Variants in PLD5 observed in about 807,000 individuals in gnomAD.
PLD5 encodes phospholipase D family member 5, also known as inactive phospholipase D5.
PLD5 carries 36 observed loss-of-function variants against 61.1 expected under a neutral mutation model. The observed-to-expected ratio is 0.59, with a 90% CI of 0.45 to 0.78. PLD5 has a LOEUF of 0.78. Ranked by LOEUF, PLD5 falls within the 30% of genes least tolerant of loss-of-function variation. The pLI is 0.00. For synonymous variants in PLD5, 243 were observed against 242.8 expected, an observed-to-expected ratio of 1.00 and a Z score of -0.01; for missense variants, 515 against 644.4, an observed-to-expected ratio of 0.80 and a Z score of 2.17.
intron 1 of PLD5, among the ~76,000 whole-genome samples, chr1:242,371,429 C>T (rs2149246497): frequency 6.6e-6 from 1 of 152,200 alleles, no homozygotes; most frequent in Non-Finnish European, 1.5e-5. Context: ...TTCCTATTAA[C>T]ATGGGAAGAC....
intron 2 of PLD5, among the ~76,000 whole-genome samples, chr1:242,319,018 G>T (rs1312162013): frequency 6.6e-6 from 1 of 152,216 alleles, no homozygotes; most frequent in Non-Finnish European, 1.5e-5. Context: ...GAGGGACTTG[G>T]ACTATGAGCA....
At chr1:242,481,688 G>C (rs1667782572) in intron 1 of PLD5, among the ~76,000 whole-genome samples, 1 of 152,346 alleles carries the variant, frequency 6.6e-6, no homozygotes, top group Non-Finnish European at 1.5e-5. Flanking sequence ...AAATGTCCCT[G>C]TTTGACAGCT....
At chr1:242,507,955 C>G (rs1668779178) in intron 1 of PLD5, among the ~76,000 whole-genome samples, 1 of 150,864 alleles carries the variant, frequency 6.6e-6, no homozygotes. Flanking sequence ...ATTAAGTTTG[C>G]CTTTTAAGTC....
At chr1:242,107,396 A>G (rs1219898763) in intron 8 of PLD5, among the ~76,000 whole-genome samples, 1 of 149,552 alleles carries the variant, frequency 6.7e-6, no homozygotes, top group Non-Finnish European at 1.5e-5. Flanking sequence ...TGGGTGACAG[A>G]GCAAAACCCT....
chr1:242,526,232 A>T (rs1393531840), upstream of PLD5, among the ~76,000 whole-genome samples: 1 of 152,024 alleles, frequency 6.6e-6, no homozygotes, highest in South Asian at 2.1e-4. Flanking sequence ...TAAAAATAAA[A>T]TAAATTAGCC....
chr1:242,334,969 CT>C (rs1232386238), intron 2 of PLD5, among the ~76,000 whole-genome samples: 4 of 152,162 alleles, frequency 2.6e-5, no homozygotes, highest in Non-Finnish European at 5.9e-5. Context: ...ATTTGCATCC[CT>C]ATTTCTTCTA....
At chr1:242,472,856 C>T (rs1163542758) in intron 1 of PLD5, among the ~76,000 whole-genome samples, 5 of 152,108 alleles carry the variant, frequency 3.3e-5, no homozygotes, top group Middle Eastern at 3.2e-3. Context: ...GAACAATTTA[C>T]AAGTATCCAA....
At chr1:242,271,692 C>A (rs1445985201) in intron 3 of PLD5, among the ~76,000 whole-genome samples, 1 of 152,146 alleles carries the variant, frequency 6.6e-6, no homozygotes, top group East Asian at 1.9e-4. Flanking sequence ...GCCTACTTAA[C>A]CCATATGGGG....
intron 2 of PLD5, among the ~76,000 whole-genome samples, chr1:242,313,303 C>A (rs560831111): frequency 6.6e-6 from 1 of 152,160 alleles, no homozygotes; most frequent in Non-Finnish European, 1.5e-5. Flanking sequence ...TATGCTATGC[C>A]CATCTTCCTC....
intron 6 of PLD5, among the ~76,000 whole-genome samples, chr1:242,122,973 T>C (rs1662503134): frequency 6.6e-6 from 1 of 152,232 alleles, no homozygotes. Flanking sequence ...GAGCATTACT[T>C]AGAGAAGTTG....
At chr1:242,504,375 A>G (rs1265981930) in intron 1 of PLD5, among the ~76,000 whole-genome samples, 1 of 152,214 alleles carries the variant, frequency 6.6e-6, no homozygotes, top group Non-Finnish European at 1.5e-5. Context: ...ACTATCATTC[A>G]AGGCCCCATT....
intron 1 of PLD5, among the ~76,000 whole-genome samples, chr1:242,511,101 A>C (rs1668894117): frequency 6.6e-6 from 1 of 152,162 alleles, no homozygotes; most frequent in Non-Finnish European, 1.5e-5. Flanking sequence ...CCCCCAAATA[A>C]AAGGATGTGG....
intron 9 of PLD5, among the ~76,000 whole-genome samples, chr1:242,098,381 A>G (rs1244416423): frequency 2.2e-4 from 34 of 152,150 alleles, no homozygotes; most frequent in Admixed American, 2.2e-3. Context: ...TTCGTCACGT[A>G]GTTCTCATGC....
intron 5 of PLD5, among the ~76,000 whole-genome samples, chr1:242,134,026 G>C (rs970343896): frequency 6.6e-6 from 1 of 152,284 alleles, no homozygotes; most frequent in South Asian, 2.1e-4. Context: ...AGGAAGTTGA[G>C]GTCATTCCAG....
Position 242,254,061 on chromosome 1 carries a change from C to T in PLD5, c.607+11276G>A, listed in dbSNP as rs140596079. Among the ~76,000 whole-genome samples, 81 of 152,212 alleles carry T rather than the reference C, an allele frequency of 5.3e-4. 1 individual carries two copies. The highest frequency in any genetic ancestry group is 1.9e-3 in the African/African-American group (79 of 41,532). Reference sequence around the variant, plus strand: ...ACAGGCAAACAAACCAGCTGCATTCCCAAAGACGATCTGTAATGTATGATT... The same window carrying T: ...ACAGGCAAACAAACCAGCTGCATTCTCAAAGACGATCTGTAATGTATGATT... On this transcript the variant is annotated intron_variant, in intron 4 of 9. Transcript: ENST00000536534.
chr1:242,226,416 T>C (rs954143621), intron 4 of PLD5, among the ~76,000 whole-genome samples: 4 of 152,230 alleles, frequency 2.6e-5, no homozygotes, highest in African/African-American at 4.8e-5. Context: ...TGATGATTCA[T>C]AGGCATTATT....
intron 1 of PLD5, among the ~76,000 whole-genome samples, chr1:242,477,350 C>T (rs1572213624): frequency 6.6e-6 from 1 of 152,314 alleles, no homozygotes; most frequent in East Asian, 1.9e-4. Flanking sequence ...CACGATACTC[C>T]TCACTGATCA....
chr1:242,238,333 C>T (rs915395103), intron 4 of PLD5, among the ~76,000 whole-genome samples: 2 of 152,208 alleles, frequency 1.3e-5, no homozygotes, highest in African/African-American at 2.4e-5. Flanking sequence ...ACCTGCTACC[C>T]TCTTCCTGCA....
chr1:242,492,250 A>G (rs1031838910), intron 1 of PLD5, among the ~76,000 whole-genome samples: 2 of 152,056 alleles, frequency 1.3e-5, no homozygotes. Context: ...CGTGGCTCAC[A>G]CCTGTAATCC....
Sources: allele counts gnomAD v4.1 joint callset (sites outside exome capture counted in the v4.1 genomes callset), GRCh38; gene constraint gnomAD v4.1.1; transcripts MANE v1.5; gene names NCBI Gene and HGNC (gene_info 2026-07-23, HGNC 2026-07-21).